Variants in C8orf89 observed in about 807,000 individuals in gnomAD.
The protein encoded by C8orf89 is putative uncharacterized protein C8orf89.
A neutral mutation model predicts 15.8 loss-of-function variants in C8orf89; 14 were observed. The ratio of observed to expected loss-of-function variants is 0.89; its 90% CI spans 0.59 to 1.39. C8orf89 has a LOEUF of 1.39. Among genes scored for constraint, C8orf89 ranks in the 40% most tolerant of loss-of-function variants. The pLI is 0.00. For synonymous variants in C8orf89, 55 were observed against 62.2 expected, an observed-to-expected ratio of 0.88 and a Z score of 0.54; for missense variants, 181 against 184.5, an observed-to-expected ratio of 0.98 and a Z score of 0.11.
At chr8:73,275,773 AGTTT>A in the C8orf89 span, among the ~76,000 whole-genome samples, 8 of 152,272 alleles carry the variant, frequency 5.3e-5, no homozygotes, top group African/African-American at 1.7e-4. Flanking sequence ...TCCCAATATT[AGTTT>A]ATTTTTAACC....
At chr8:73,277,462 T>C in the C8orf89 span, 1 of 1,007,052 alleles carries the variant, frequency 9.9e-7, no homozygotes, top group Non-Finnish European at 1.5e-6. Context: ...TTCTCGGTGC[T>C]CGAGAAGAAT....
chr8:73,253,907 A>G (rs1813306524), intron 2 of C8orf89, among the ~76,000 whole-genome samples: 1 of 150,460 alleles, frequency 6.6e-6, no homozygotes, highest in African/African-American at 2.5e-5. Flanking sequence ...CTCTTTTCCT[A>G]ATTGAATACC....
At chr8:73,254,860 A>C (rs925208055) in intron 2 of C8orf89, among the ~76,000 whole-genome samples, 1 of 152,344 alleles carries the variant, frequency 6.6e-6, no homozygotes, top group East Asian at 1.9e-4. Flanking sequence ...AAAAATAAGC[A>C]ATGGGGAAAG....
the C8orf89 span, among the ~76,000 whole-genome samples, chr8:73,285,524 T>C: frequency 5.7e-3 from 873 of 152,298 alleles, 5 homozygotes; most frequent in Middle Eastern, 0.01. Flanking sequence ...GGACCCGACC[T>C]CCCATCCAGC....
At chr8:73,277,255 T>G in the C8orf89 span, 1 of 494,162 alleles carries the variant, frequency 2.0e-6, no homozygotes, top group Non-Finnish European at 3.6e-6. Context: ...GAGAATAGAG[T>G]ATAAATGGGT....
the C8orf89 span, among the ~76,000 whole-genome samples, chr8:73,273,100 G>C: frequency 0.55 from 83,062 of 152,122 alleles, 22,995 homozygotes; most frequent in South Asian, 0.75. Flanking sequence ...GCCTGGAGTG[G>C]TCATTGCCAT....
chr8:73,272,947 C>T, the C8orf89 span, among the ~76,000 whole-genome samples: 47,908 of 152,054 alleles, frequency 0.32, 8,073 homozygotes, highest in South Asian at 0.53. Flanking sequence ...AAATCTAACT[C>T]AGGCCACCTT....
chr8:73,258,517 A>T (rs911575785), intron 1 of C8orf89, among the ~76,000 whole-genome samples: 5 of 152,018 alleles, frequency 3.3e-5, no homozygotes, highest in Admixed American at 1.3e-4. Context: ...GGGAATAACT[A>T]TTAATATACT....
At chr8:73,281,817 A>T in the C8orf89 span, among the ~76,000 whole-genome samples, 1 of 152,200 alleles carries the variant, frequency 6.6e-6, no homozygotes, top group Non-Finnish European at 1.5e-5. Context: ...CCTCCCTGTG[A>T]CTGGAATGTG....
chr8:73,256,943 AC>A, intron 2 of C8orf89, 29 bp downstream of exon 2: 1 of 1,505,364 alleles, frequency 6.6e-7, no homozygotes, highest in Non-Finnish European at 8.8e-7. Flanking sequence ...TACACATTCA[AC>A]AAATGAGAAT....
chr8:73,252,488 T>C (rs1813270860), intron 2 of C8orf89, among the ~76,000 whole-genome samples: 1 of 152,184 alleles, frequency 6.6e-6, no homozygotes, highest in Non-Finnish European at 1.5e-5. Context: ...ACAATAAAAA[T>C]GGATATGTTA....
intron 3 of C8orf89, among the ~76,000 whole-genome samples, chr8:73,243,785 C>T (rs1053735933): frequency 6.6e-6 from 1 of 152,146 alleles, no homozygotes; most frequent in African/African-American, 2.4e-5. Flanking sequence ...CCACCTCAGC[C>T]TCCCAAAGTG....
chr8:73,277,405 G>A, the C8orf89 span: 1 of 1,184,800 alleles, frequency 8.4e-7, no homozygotes, highest in South Asian at 1.5e-5. Flanking sequence ...CATCTTAGCA[G>A]CCTCCAGAAC....
At chr8:73,281,713 A>G in the C8orf89 span, among the ~76,000 whole-genome samples, 1 of 152,182 alleles carries the variant, frequency 6.6e-6, no homozygotes, top group Non-Finnish European at 1.5e-5. Flanking sequence ...AAAGGTTTTC[A>G]CAAGTAGAAA....
At chr8:73,280,101 G>A in the C8orf89 span, among the ~76,000 whole-genome samples, 2 of 152,202 alleles carry the variant, frequency 1.3e-5, no homozygotes, top group African/African-American at 4.8e-5. Context: ...TTGTTATGAA[G>A]CCATAGTAAC....
the C8orf89 span, among the ~76,000 whole-genome samples, chr8:73,267,107 C>T: frequency 6.6e-6 from 1 of 152,140 alleles, no homozygotes; most frequent in Admixed American, 6.5e-5. Flanking sequence ...GGTAATCCCC[C>T]CTTATCCCTG....
chr8:73,252,541 A>G (rs1458434090), intron 2 of C8orf89, among the ~76,000 whole-genome samples: 1 of 152,166 alleles, frequency 6.6e-6, no homozygotes, highest in Non-Finnish European at 1.5e-5. Flanking sequence ...TTTTTTCTGC[A>G]AAGTTCTTAT....
In C8orf89 at chr8:73,250,538, C is replaced by T. The variant is rs538898885; in HGVS notation, c.282-215G>A. Reference sequence around the variant, plus strand: ...TGAGTGCTAGGTCTAACTTCTCCCACAGACCTTTATCATACCTCTCACTAG... The same window carrying T: ...TGAGTGCTAGGTCTAACTTCTCCCATAGACCTTTATCATACCTCTCACTAG... On this transcript the variant is annotated intron_variant, in intron 2 of 3. Transcript: ENST00000624510. Among the ~76,000 whole-genome samples, 163 of 152,322 alleles carry T rather than the reference C, an allele frequency of 1.1e-3. 1 individual carries two copies. The highest frequency in any genetic ancestry group is 3.8e-3 in the African/African-American group (159 of 41,578).
Position 73,257,140 on chromosome 8 carries a change from T to C in C8orf89, c.128-14A>G. ...CTGTGGTATATTCTGGTTAAAAATA[T>C]ATAAGAATCATCTTGATTAAATGCA... On this transcript the variant is annotated splice_polypyrimidine_tract_variant and intron_variant, in intron 1 of 3. Coordinates refer to ENST00000624510, the MANE Select transcript of C8orf89 (RefSeq NM_001243237.3). The C allele has an allele frequency of 2.7e-6, 4 of 1,496,158 alleles. No homozygotes were observed. Among genetic ancestry groups the C allele is most frequent in the Non-Finnish European group, 3.6e-6 (4 of 1,119,638 alleles). 92.7% of individuals were successfully genotyped at this position (1,496,158 alleles called of 1,614,324 possible).
Sources: allele counts gnomAD v4.1 joint callset (sites outside exome capture counted in the v4.1 genomes callset), GRCh38; gene constraint gnomAD v4.1.1; transcripts MANE v1.5; gene names NCBI Gene and HGNC (gene_info 2026-07-23, HGNC 2026-07-21).